LSP1: variants seen among roughly 807,000 people sequenced by gnomAD.
The protein encoded by LSP1 is lymphocyte specific protein 1.
LSP1 carries 32 observed loss-of-function variants against 49.3 expected under a neutral mutation model. The ratio of observed to expected loss-of-function variants is 0.65; its 90% CI spans 0.49 to 0.87. The LOEUF is 0.87. LSP1 is among the 40% of genes least tolerant of loss of function. The probability of loss-of-function intolerance (pLI) is 0.00; values close to 1 mark genes in which losing one functional copy is unlikely to be tolerated. For missense variants in LSP1, 428 were observed against 442.6 expected, an observed-to-expected ratio of 0.97 and a Z score of 0.30; for synonymous variants, 179 against 178.8, an observed-to-expected ratio of 1.00 and a Z score of -0.01.
At chr11:1,878,165 A>G (rs1047486449) in intron 1 of LSP1, among the ~76,000 whole-genome samples, 3 of 152,044 alleles carry the variant, frequency 2.0e-5, no homozygotes, top group African/African-American at 7.2e-5. Context: ...ACATGGGAAC[A>G]CGGGGAGCAA....
At chr11:1,870,014 G>A (rs1847931711) in intron 1 of LSP1, 2 of 392,708 alleles carry the variant, frequency 5.1e-6, no homozygotes, top group East Asian at 7.3e-5. Context: ...GACGTGAGAG[G>A]TGCACCTCCG....
At chr11:1,890,740 C>T (rs1483401725) in intron 10 of LSP1, 5 of 603,490 alleles carry the variant, frequency 8.3e-6, no homozygotes, top group Non-Finnish European at 1.5e-5. Context: ...CTGCCAGGGA[C>T]ATGCTGAGCT....
intron 1 of LSP1, among the ~76,000 whole-genome samples, chr11:1,878,325 A>C (rs1278668738): frequency 6.6e-6 from 1 of 152,236 alleles, no homozygotes; most frequent in Non-Finnish European, 1.5e-5. Context: ...AACAAGGCCC[A>C]GCAGCCCCCA....
rs1589814102 is a variant in LSP1, at chr11:1,870,154, C to T, written c.54-9933C>T. 2.4e-5 allele frequency: 16 copies of T among 654,836 alleles called. No homozygotes were observed. In the Admixed American group the frequency reaches 2.8e-4, roughly 11 times the overall value. 40.6% of individuals were successfully genotyped at this position (654,836 alleles called of 1,614,324 possible). A position where few individuals can be genotyped will look rare whatever the true frequency, so the allele number is the denominator to read the frequency against. On this transcript the variant is annotated intron_variant, in intron 1 of 10. Coordinates refer to ENST00000311604, the MANE Select transcript of LSP1 (RefSeq NM_002339.3). ...AACGGGGATGTCTGGACCTCTGGTG[C>T]AGAGGACCAAGGCCGGTCCACTTGA... is the stretch of plus-strand genomic sequence containing the variant.
chr11:1,876,581 G>A (rs564280823), intron 1 of LSP1: 20 of 985,492 alleles, frequency 2.0e-5, no homozygotes, highest in African/African-American at 3.5e-5. Flanking sequence ...CCTGCAGGGG[G>A]CAGAGTCGGG....
intron 1 of LSP1, among the ~76,000 whole-genome samples, chr11:1,868,356 G>A (rs774919390): frequency 6.6e-5 from 10 of 152,232 alleles, no homozygotes; most frequent in South Asian, 4.1e-4. Flanking sequence ...CTCTTTGGGC[G>A]GTGTGAGCCC....
At chr11:1,866,408 T>A (rs1175579201) in intron 1 of LSP1, 1 of 1,390,710 alleles carries the variant, frequency 7.2e-7, no homozygotes, top group Non-Finnish European at 9.6e-7. Context: ...GTCTGAGGAG[T>A]TGAGGGCAGC....
chr11:1,869,654 G>A (rs1847911271), intron 1 of LSP1: 1 of 456,846 alleles, frequency 2.2e-6, no homozygotes, highest in African/African-American at 2.6e-5. Context: ...ACAGCTTCTT[G>A]GTGCTCCAAA....
In LSP1 at chr11:1,884,494, C is replaced by A. The variant is rs1402987378; in HGVS notation, c.636-6C>A. The A allele has an allele frequency of 6.2e-7, 1 of 1,613,202 alleles. No individual in the cohort carries two copies. The highest frequency in any genetic ancestry group is 1.1e-5 in the South Asian group (1 of 91,070). Reference sequence around the variant, plus strand: ...CATGGGGCCTGACACATCTTCTACCCTCCAGTAACAGTGTGAAGAAATCCC... The same window carrying A: ...CATGGGGCCTGACACATCTTCTACCATCCAGTAACAGTGTGAAGAAATCCC... On this transcript the variant is annotated splice_polypyrimidine_tract_variant and splice_region_variant and intron_variant, in intron 6 of 10. Transcript: ENST00000311604. The surrounding 1 kb of genome is among the most constrained non-coding windows in gnomAD (Gnocchi z 4.1).
rs1848933663 is a variant in LSP1, at chr11:1,890,154, G to A, written c.*14-1619G>A. On this transcript the variant is annotated intron_variant, in intron 10 of 10. Transcript: ENST00000311604. ...CTGGGGCCCCATGGCCCTGAATTGAGCAGCTAGAATCCTGCGCTGGGTGAG... is the reference window on the plus strand; with the variant it reads ...CTGGGGCCCCATGGCCCTGAATTGAACAGCTAGAATCCTGCGCTGGGTGAG... 5.6e-6 allele frequency: 4 copies of A among 717,132 alleles called. No individual in the cohort carries two copies. In the East Asian group the frequency reaches 1.1e-4, roughly 19 times the overall value. 44.4% of individuals were successfully genotyped at this position (717,132 alleles called of 1,614,324 possible). A position where few individuals can be genotyped will look rare whatever the true frequency, so the allele number is the denominator to read the frequency against.
At chr11:1,870,324 G>T in intron 1 of LSP1, 6 of 1,293,072 alleles carry the variant, frequency 4.6e-6, no homozygotes, top group Non-Finnish European at 6.1e-6. Context: ...GGCAGGGGGT[G>T]CCCGCAGCAC....
intron 1 of LSP1, among the ~76,000 whole-genome samples, chr11:1,854,066 G>A (rs1461799334): frequency 6.6e-6 from 1 of 152,182 alleles, no homozygotes; most frequent in Non-Finnish European, 1.5e-5. Context: ...GCAGGTCCCA[G>A]AAGAGATGGG....
intron 1 of LSP1, among the ~76,000 whole-genome samples, chr11:1,863,985 G>A (rs1221731364): frequency 6.6e-6 from 1 of 151,378 alleles, no homozygotes; most frequent in Non-Finnish European, 1.5e-5. Context: ...GCCTTCTCTG[G>A]AGGTGACAAC....
chr11:1,889,239 G>A, intron 10 of LSP1: 1 of 672,096 alleles, frequency 1.5e-6, no homozygotes, highest in Non-Finnish European at 2.8e-6. Context: ...GGGCCGGGTG[G>A]CCTCCTGCAG....
chr11:1,885,952 C>T (rs761587385), intron 7 of LSP1, among the ~76,000 whole-genome samples: 4 of 152,090 alleles, frequency 2.6e-5, no homozygotes, highest in Non-Finnish European at 4.4e-5. Context: ...GTTCCTCTAT[C>T]CAACCAACAT....
In LSP1 at chr11:1,889,503, C is replaced by T. The variant is rs187838363; in HGVS notation, c.*13+1927C>T. On this transcript the variant is annotated intron_variant, in intron 10 of 10. Transcript: ENST00000311604. ...GGGCACCTCTGGCTCCAGGCTCTGC[C>T]GCGGCTCTGGGCACGGAGGCTCTGG... is the stretch of plus-strand genomic sequence containing the variant. The T allele has an allele frequency of 1.1e-4, 69 of 617,768 alleles. 1 individual carries two copies. Among genetic ancestry groups the T allele is most frequent in the African/African-American group, 1.1e-3 (57 of 53,730 alleles). 38.3% of individuals were successfully genotyped at this position (617,768 alleles called of 1,614,324 possible).
chr11:1,887,395 G>A, intron 9 of LSP1, 79 bp from the exon 10 acceptor site: 2 of 1,580,300 alleles, frequency 1.3e-6, no homozygotes, highest in Middle Eastern at 1.7e-4. Flanking sequence ...GTGCATCTGG[G>A]AGGGCTTCCC....
intron 1 of LSP1, chr11:1,869,358 A>G: frequency 3.2e-6 from 1 of 312,014 alleles, no homozygotes; most frequent in South Asian, 2.7e-5. Flanking sequence ...AAAGAAAGAA[A>G]GAAAGCGAAG....
At chr11:1,864,303 G>C (rs1847718928) in intron 1 of LSP1, 1 of 962,572 alleles carries the variant, frequency 1.0e-6, no homozygotes, top group African/African-American at 1.8e-5. Flanking sequence ...ACAGAGGAGG[G>C]CCCGGGCAGG....
Sources: allele counts gnomAD v4.1 joint callset (sites outside exome capture counted in the v4.1 genomes callset), GRCh38; gene constraint gnomAD v4.1.1; non-coding constraint Gnocchi (gnomAD v3.1); transcripts MANE v1.5; gene names NCBI Gene and HGNC (gene_info 2026-07-23, HGNC 2026-07-21).